Variants in TMEM192 observed in about 807,000 individuals in gnomAD.
The protein encoded by TMEM192 is transmembrane protein 192.
A neutral mutation model predicts 26.7 loss-of-function variants in TMEM192; 20 were observed. That is an observed-to-expected ratio of 0.75 (90% CI 0.53 to 1.09). The LOEUF (loss-of-function observed/expected upper bound fraction) is 1.09. TMEM192 is among the 50% of genes least tolerant of loss of function. TMEM192 has a pLI of 0.00. For missense variants in TMEM192, 304 were observed against 322.6 expected (o/e 0.94, Z 0.44); for synonymous variants, 124 against 121.0 (o/e 1.02, Z -0.16).
chr4:165,099,447 T>TAA (rs1734988268), intron 3 of TMEM192, among the ~76,000 whole-genome samples: 2 of 152,188 alleles, frequency 1.3e-5, no homozygotes, highest in African/African-American at 4.8e-5. Flanking sequence ...ATTAAATCTT[T>TAA]AAAATGTCTG....
chr4:165,112,731 G>A lies in TMEM192; in HGVS notation c.27+16C>T. The A allele has an allele frequency of 6.2e-7, 1 of 1,608,742 alleles. No individual in the cohort carries two copies. The highest frequency in any genetic ancestry group is 8.5e-7 in the Non-Finnish European group (1 of 1,179,086). On this transcript the variant is annotated intron_variant, in intron 1 of 5. Coordinates refer to ENST00000306480, the MANE Select transcript of TMEM192 (RefSeq NM_001100389.2). ...CGGATTCCGGGGCCAACCGCCCGCC[G>A]CCTCCGTGCACTCACGTCCTCCATC...
At chr4:165,098,499 G>C (rs1311025376) in intron 3 of TMEM192, among the ~76,000 whole-genome samples, 1 of 150,376 alleles carries the variant, frequency 6.6e-6, no homozygotes, top group Non-Finnish European at 1.5e-5. Context: ...TGGTAGAGAT[G>C]GGGGAACTCA....
At chr4:165,105,510 T>C (rs1735142180) in intron 1 of TMEM192, among the ~76,000 whole-genome samples, 1 of 152,210 alleles carries the variant, frequency 6.6e-6, no homozygotes, top group African/African-American at 2.4e-5. Context: ...AGGAGACTAA[T>C]AATAGCACCT....
chr4:165,088,596 G>A lies in TMEM192; in HGVS notation c.446C>T (p.Thr149Ile). 6.2e-7 allele frequency: 1 copy of A among 1,610,448 alleles called. No individual in the cohort carries two copies. The part of the protein sequence containing the change: ...LALMIQSSGN[T>I]VLLLILCMQH... Reference sequence around the variant, plus strand: ...CATGCACAGTATGAGGAGAAGCACTGTGTTGCCTGAGGAGGAGAAACATAA... The same window carrying A: ...CATGCACAGTATGAGGAGAAGCACTATGTTGCCTGAGGAGGAGAAACATAA... The change falls in exon 4 of 6, where the codon ACA (threonine) becomes ATA (isoleucine). Residue 149 changes from threonine (T) to isoleucine (I), a missense_variant. Physicochemically the swap from Thr to Ile is moderately conservative, Grantham distance 89. Transcript: ENST00000306480.
chr4:165,100,527 T>C, intron 3 of TMEM192, 101 bp downstream of exon 3: 4 of 1,353,032 alleles, frequency 3.0e-6, no homozygotes, highest in Non-Finnish European at 4.0e-6. Flanking sequence ...CTTACAAAAA[T>C]GAGAGAATAT....
intron 3 of TMEM192, among the ~76,000 whole-genome samples, chr4:165,092,392 G>T (rs758153814): frequency 1.4e-4 from 22 of 152,112 alleles, no homozygotes; most frequent in Middle Eastern, 3.2e-3. Context: ...AAAGTGCTGG[G>T]ATTACAGGCG....
chr4:165,107,359 C>A (rs1346911804), intron 1 of TMEM192, among the ~76,000 whole-genome samples: 3 of 140,904 alleles, frequency 2.1e-5, no homozygotes, highest in Admixed American at 7.2e-5. Context: ...AAAAAAAAAA[C>A]AGGGTCTCAC....
chr4:165,094,389 T>C (rs1363524957), intron 3 of TMEM192, among the ~76,000 whole-genome samples: 1 of 152,196 alleles, frequency 6.6e-6, no homozygotes, highest in Non-Finnish European at 1.5e-5. Flanking sequence ...TCTAAGTGCT[T>C]TTTGTTTTAC....
intron 3 of TMEM192, among the ~76,000 whole-genome samples, chr4:165,090,594 T>A (rs1734735696): frequency 6.6e-6 from 1 of 152,004 alleles, no homozygotes; most frequent in Non-Finnish European, 1.5e-5. Flanking sequence ...TGAACCATTC[T>A]AGCAAATTAC....
rs11315804 is a variant in TMEM192, at chr4:165,102,784, C to CTTT, written c.174+163_174+165dup. Among the ~76,000 whole-genome samples the CTTT allele has an allele frequency of 1.2e-3, 163 of 130,826 alleles. 1 individual carries two copies. Among genetic ancestry groups the CTTT allele is most frequent in the African/African-American group, 4.1e-3 (141 of 34,264 alleles). The allele number at this position is 130,826 out of a possible 152,430, so 85.8% of individuals were successfully genotyped here. ...GAAGATATAAGTAAAAGTGTACGTA[C>CTTT]TTTTTTTTTTTTTTTTTTGCCCATG... On this transcript the variant is annotated intron_variant, in intron 2 of 5. Transcript: ENST00000306480.
intron 3 of TMEM192, among the ~76,000 whole-genome samples, chr4:165,090,213 GAAAAA>G (rs35732863): frequency 1.5e-4 from 8 of 52,072 alleles, no homozygotes; most frequent in East Asian, 7.3e-4. Flanking sequence ...CTCCGTCTTG[GAAAAA>G]AAAAAAAAAA....
intron 5 of TMEM192, among the ~76,000 whole-genome samples, chr4:165,083,954 T>C (rs1734548410): frequency 6.7e-6 from 1 of 149,608 alleles, no homozygotes; most frequent in Admixed American, 6.8e-5. Context: ...CCTGAGTAGC[T>C]GGGACTACAG....
chr4:165,095,797 T>C (rs1734881055), intron 3 of TMEM192, among the ~76,000 whole-genome samples: 1 of 151,980 alleles, frequency 6.6e-6, no homozygotes, highest in Admixed American at 6.6e-5. Context: ...TTTTTAAAAA[T>C]GGAGTCTCAC....
chr4:165,104,261 C>T (rs1241309139), intron 1 of TMEM192, among the ~76,000 whole-genome samples: 1 of 151,940 alleles, frequency 6.6e-6, no homozygotes, highest in Non-Finnish European at 1.5e-5. Flanking sequence ...AAATGAAAAG[C>T]ATAGAAGACA....
intron 2 of TMEM192, 99 bp from the exon 3 acceptor site, chr4:165,100,991 T>G: frequency 1.6e-6 from 2 of 1,230,456 alleles, no homozygotes; most frequent in Non-Finnish European, 2.2e-6. Flanking sequence ...TTTTTTTTTT[T>G]TCTGAGACAG....
At chr4:165,086,064 A>G (rs138897283) in intron 4 of TMEM192, among the ~76,000 whole-genome samples, 5 of 152,334 alleles carry the variant, frequency 3.3e-5, no homozygotes, top group East Asian at 1.9e-4. Flanking sequence ...AGGGGAAAAT[A>G]CAGATAATAA....
intron 3 of TMEM192, among the ~76,000 whole-genome samples, chr4:165,092,073 A>C (rs886986178): frequency 2.7e-5 from 4 of 148,400 alleles, no homozygotes; most frequent in African/African-American, 1.0e-4. Flanking sequence ...TGGGGATAAC[A>C]GTACCTTTCT....
In TMEM192 at chr4:165,100,696, C is replaced by A. The variant is rs200827928; in HGVS notation, c.371G>T (p.Arg124Leu). ...IQYHHSKIRN[R>L]GYNLIYRSTR... The stretch of plus-strand genomic sequence containing the variant: ...TGATCGGTAGATCAAGTTATAGCCT[C>A]GGTTTCTGATTTTGCTGTGGTGATA... The change falls in exon 3 of 6, where the codon CGA becomes CTA. Residue 124 changes from arginine (R) to leucine (L), a missense_variant. Transcript: ENST00000306480. The A allele has an allele frequency of 1.2e-6, 2 of 1,614,040 alleles. No individual in the cohort carries two copies. Among genetic ancestry groups the A allele is most frequent in the Non-Finnish European group, 1.7e-6 (2 of 1,180,024 alleles).
rs1348990669 is a variant in TMEM192 at position 165,100,625 on chromosome 4, T to C, written c.439+3A>G. On this transcript the variant is annotated splice_donor_region_variant and intron_variant, in intron 3 of 5. Coordinates refer to ENST00000306480, the MANE Select transcript of TMEM192 (RefSeq NM_001100389.2). ...CAAGTAGCTGAGAGAAAATTGGACA[T>C]ACCAGAGGACTGTATCATCAACGCA... The C allele has an allele frequency of 5.0e-6, 8 of 1,613,384 alleles. No individual in the cohort carries two copies. Among genetic ancestry groups the C allele is most frequent in the South Asian group, 1.1e-5 (1 of 90,940 alleles).
Sources: allele counts gnomAD v4.1 joint callset (sites outside exome capture counted in the v4.1 genomes callset), GRCh38; gene constraint gnomAD v4.1.1; transcripts MANE v1.5; gene names NCBI Gene and HGNC (gene_info 2026-07-23, HGNC 2026-07-21).